Variants in DPP10 observed in about 807,000 individuals in gnomAD.
DPP10 encodes the protein dipeptidyl peptidase like 10, also known as inactive dipeptidyl peptidase 10.
Under a neutral mutation model 120.9 loss-of-function variants are expected in DPP10, and 33 were observed. The ratio of observed to expected loss-of-function variants is 0.27; its 90% CI spans 0.21 to 0.37. The LOEUF is 0.37. DPP10 is among the 10% of genes least tolerant of loss of function. DPP10 has a pLI of 1.00. For missense variants in DPP10, 816 were observed against 942.8 expected (o/e 0.87, Z 1.76); for synonymous variants, 337 against 326.1 (o/e 1.03, Z -0.36).
chr2:115,203,384 A>G (rs1261792461), intron 1 of DPP10, among the ~76,000 whole-genome samples: 1 of 152,136 alleles, frequency 6.6e-6, no homozygotes, highest in Non-Finnish European at 1.5e-5. Context: ...TGAAAGTGCT[A>G]CTGAGATGGG....
chr2:115,149,949 G>A (rs375355374), intron 1 of DPP10, among the ~76,000 whole-genome samples: 1 of 152,208 alleles, frequency 6.6e-6, no homozygotes, highest in East Asian at 1.9e-4. Flanking sequence ...TGAGAAGCAG[G>A]TGCAAGTGGA....
chr2:114,620,856 G>A lies in DPP10; in HGVS notation c.60+178018G>A, dbSNP rs75967399. On this transcript the variant is annotated intron_variant, in intron 1 of 25. Transcript: ENST00000410059. ...ATGATTTTCTTATCCTAAGATATCT[G>A]TGTATAGCTTAGAAGCTTTGTCTTT... Among the ~76,000 whole-genome samples, 770 of 152,200 alleles carry A rather than the reference G, an allele frequency of 5.1e-3. 7 individuals carry two copies. The highest frequency in any genetic ancestry group is 0.017 in the African/African-American group (721 of 41,564).
intron 1 of DPP10, among the ~76,000 whole-genome samples, chr2:114,740,137 G>T (rs1380239004): frequency 6.6e-6 from 1 of 151,138 alleles, no homozygotes; most frequent in Non-Finnish European, 1.5e-5. Context: ...ACTGGATTAA[G>T]AAAATGTGGC....
chr2:115,165,083 C>T (rs1470780306), intron 1 of DPP10, among the ~76,000 whole-genome samples: 1 of 152,184 alleles, frequency 6.6e-6, no homozygotes, highest in Non-Finnish European at 1.5e-5. Context: ...TCTCAATTAA[C>T]ATTGAAAGAG....
intron 1 of DPP10, among the ~76,000 whole-genome samples, chr2:114,524,042 G>A (rs1020350505): frequency 6.6e-6 from 1 of 152,236 alleles, no homozygotes; most frequent in Non-Finnish European, 1.5e-5. Flanking sequence ...GAGGACTAAA[G>A]TGTGGCATTT....
chr2:114,751,259 A>G (rs1679190308), intron 1 of DPP10, among the ~76,000 whole-genome samples: 1 of 152,240 alleles, frequency 6.6e-6, no homozygotes. Flanking sequence ...TAAGTAATCA[A>G]ACTAAGCTTG....
chr2:114,492,120 G>A (rs1415244488), intron 1 of DPP10, among the ~76,000 whole-genome samples: 2 of 152,122 alleles, frequency 1.3e-5, no homozygotes, highest in Non-Finnish European at 2.9e-5. Context: ...TCAGTTGAAA[G>A]TGTTTGTTAC....
At chr2:115,828,555 A>G (rs1688610601) in intron 21 of DPP10, among the ~76,000 whole-genome samples, 1 of 152,046 alleles carries the variant, frequency 6.6e-6, no homozygotes, top group African/African-American at 2.4e-5. Flanking sequence ...TTTTTTTAAA[A>G]GCATGCATTT....
chr2:115,788,311 G>T (rs896373774), intron 17 of DPP10, among the ~76,000 whole-genome samples: 13 of 152,004 alleles, frequency 8.6e-5, no homozygotes, highest in African/African-American at 3.1e-4. Flanking sequence ...AAAAGAAAAG[G>T]TTTAAAATCG....
intron 5 of DPP10, among the ~76,000 whole-genome samples, chr2:115,673,874 T>G (rs1405876392): frequency 1.3e-5 from 2 of 152,194 alleles, no homozygotes; most frequent in Non-Finnish European, 2.9e-5. Flanking sequence ...CTAATGATTT[T>G]TATGATTCGG....
intron 5 of DPP10, among the ~76,000 whole-genome samples, chr2:115,599,838 T>C (rs1029783158): frequency 1.5e-5 from 2 of 131,886 alleles, no homozygotes; most frequent in East Asian, 4.6e-4. Flanking sequence ...ATATAGTGCA[T>C]TGTAGCTCAC....
chr2:115,098,686 CT>C (rs1259992399), intron 1 of DPP10, among the ~76,000 whole-genome samples: 5 of 152,100 alleles, frequency 3.3e-5, no homozygotes, highest in Non-Finnish European at 7.3e-5. Context: ...GTATTAAGTT[CT>C]GGAATCAGCT....
chr2:114,923,361 T>C (rs1695344580), intron 1 of DPP10, among the ~76,000 whole-genome samples: 1 of 151,822 alleles, frequency 6.6e-6, no homozygotes, highest in Non-Finnish European at 1.5e-5. Context: ...TTTTTGTATT[T>C]TTAGTAGAGG....
intron 1 of DPP10, among the ~76,000 whole-genome samples, chr2:114,689,461 A>G (rs1000865633): frequency 3.3e-5 from 5 of 152,164 alleles, no homozygotes; most frequent in African/African-American, 1.2e-4. Context: ...TATGTACCAC[A>G]TATTCCTTAT....
At chr2:114,736,217 C>T (rs1484620827) in intron 1 of DPP10, among the ~76,000 whole-genome samples, 2 of 152,008 alleles carry the variant, frequency 1.3e-5, no homozygotes, top group African/African-American at 4.8e-5. Flanking sequence ...GCTCCTCCCT[C>T]CACTGCTTTC....
At chr2:114,899,946 C>A (rs779874435) in intron 1 of DPP10, among the ~76,000 whole-genome samples, 53 of 152,232 alleles carry the variant, frequency 3.5e-4, no homozygotes, top group Non-Finnish European at 6.0e-4. Flanking sequence ...GGTGACAGAG[C>A]GAGACTCCGT....
rs201817682 is a variant in DPP10, at chr2:115,274,479, G to A, written c.61-34760G>A. 3.3e-5 allele frequency among the ~76,000 whole-genome samples: 5 copies of A among 152,070 alleles called. No homozygotes were observed. The East Asian group carries it at 7.8e-4, about 24-fold the overall frequency. On this transcript the variant is annotated intron_variant, in intron 1 of 25. Coordinates refer to ENST00000410059, the MANE Select transcript of DPP10 (RefSeq NM_020868.6). ...TATTTTCATTTTTGTTTAATCTACA[G>A]AGAAGTTCCGAGATCCTCCAGAGCT...
At chr2:114,502,311 T>G (rs750399885) in intron 1 of DPP10, among the ~76,000 whole-genome samples, 1 of 152,166 alleles carries the variant, frequency 6.6e-6, no homozygotes, top group Non-Finnish European at 1.5e-5. Context: ...AAAGTTTTTA[T>G]TCTGTACTCA....
intron 1 of DPP10, among the ~76,000 whole-genome samples, chr2:115,029,148 T>C (rs1444799834): frequency 6.6e-6 from 1 of 152,102 alleles, no homozygotes; most frequent in Non-Finnish European, 1.5e-5. Context: ...CTTCCTTTTT[T>C]TACGGTCTTC....
Sources: gnomAD v4.1 joint callset for allele counts (sites outside exome capture counted in the v4.1 genomes callset) on GRCh38, gnomAD v4.1.1 for gene constraint, MANE v1.5 for transcripts, NCBI Gene and HGNC (gene_info 2026-07-23, HGNC 2026-07-21) for gene names.